PADI1: variants seen among roughly 807,000 people sequenced by gnomAD.
PADI1 encodes peptidyl arginine deiminase 1, also known as protein-arginine deiminase type-1.
A neutral mutation model predicts 74.8 loss-of-function variants in PADI1; 65 were observed. The observed-to-expected ratio is 0.87, with a 90% confidence interval of 0.71 to 1.07. PADI1 has a LOEUF of 1.07. Among genes scored for constraint, PADI1 ranks in the 50% least tolerant of loss-of-function variants. The probability of loss-of-function intolerance (pLI) is 0.00; values close to 1 mark genes in which losing one functional copy is unlikely to be tolerated. For missense variants in PADI1, 943 were observed against 854.0 expected (o/e 1.10, Z -1.30); for synonymous variants, 371 against 336.2 (o/e 1.10, Z -1.13).
At chr1:17,232,744 A>G (rs2072522940) in intron 10 of PADI1, 75 bp from the exon 11 acceptor site, 1 of 1,376,002 alleles carries the variant, frequency 7.3e-7, no homozygotes, top group Non-Finnish European at 9.8e-7. Flanking sequence ...ACTCCCCTCT[A>G]CTCCAAGAAC....
At chr1:17,212,561 A>C (rs566148495) in intron 1 of PADI1, among the ~76,000 whole-genome samples, 5 of 152,128 alleles carry the variant, frequency 3.3e-5, no homozygotes, top group Non-Finnish European at 5.9e-5. Flanking sequence ...CAGGTGGTAC[A>C]TTTCTGAGCT....
rs755568492 is a variant in PADI1 at position 17,240,779 on chromosome 1, G to T, written c.1758+19G>T. On this transcript the variant is annotated intron_variant, in intron 15 of 15. Coordinates refer to ENST00000375471, the MANE Select transcript of PADI1 (RefSeq NM_013358.3). ...AGACATGGTGAGAGCCCTTGTGCAG[G>T]GTCCTGCTGGGGGGTCTGCGGGGCT... 3 of 1,611,556 alleles carry T rather than the reference G, an allele frequency of 1.9e-6. No homozygotes were observed. Among genetic ancestry groups the T allele is most frequent in the Non-Finnish European group, 2.5e-6 (3 of 1,178,378 alleles).
chr1:17,223,504 G>A lies in PADI1; in HGVS notation c.274-117G>A, dbSNP rs2100452073. The A allele has an allele frequency of 5.1e-6, 4 of 776,844 alleles. No individual in the cohort carries two copies. The South Asian group carries it at 6.1e-5, about 12-fold the overall frequency. The allele number at this position is 776,844 out of a possible 1,614,324, so 48.1% of individuals were successfully genotyped here. ...GAGTCTTGGGACTTCAGAGACTGGG[G>A]GGGTCTCCAGGCCTCCTGTGCCTCT... On this transcript the variant is annotated intron_variant, in intron 2 of 15. Transcript: ENST00000375471.
chr1:17,236,830 G>GGAAA (rs2072654335), intron 11 of PADI1, among the ~76,000 whole-genome samples: 2 of 152,022 alleles, frequency 1.3e-5, no homozygotes, highest in Admixed American at 6.6e-5. Context: ...GAGAAAAGAA[G>GGAAA]GAAAGAAAGA....
chr1:17,234,177 G>A (rs2100503177), intron 11 of PADI1, among the ~76,000 whole-genome samples: 1 of 152,340 alleles, frequency 6.6e-6, no homozygotes, highest in Admixed American at 6.5e-5. Flanking sequence ...ATACCACAGT[G>A]CCTGGCACAC....
chr1:17,209,195 CAG>C (rs2071767818), intron 1 of PADI1, among the ~76,000 whole-genome samples: 2 of 152,212 alleles, frequency 1.3e-5, no homozygotes, highest in African/African-American at 4.8e-5. Context: ...TTGTGCTCCT[CAG>C]GGGAAAATTA....
At chr1:17,219,838 A>G (rs2072086470) in intron 1 of PADI1, among the ~76,000 whole-genome samples, 2 of 152,080 alleles carry the variant, frequency 1.3e-5, no homozygotes, top group African/African-American at 4.8e-5. Context: ...GGAAGCAGTC[A>G]CCAGGGAGAT....
intron 15 of PADI1, among the ~76,000 whole-genome samples, chr1:17,242,168 GCCTC>G (rs2072791055): frequency 6.6e-6 from 1 of 152,140 alleles, no homozygotes; most frequent in Non-Finnish European, 1.5e-5. Context: ...ATGCTTAGCG[GCCTC>G]CCTGGTCTCT....
At chr1:17,238,740 G>C in intron 13 of PADI1, 31 bp downstream of exon 13, 2 of 1,216,256 alleles carry the variant, frequency 1.6e-6, no homozygotes, top group Non-Finnish European at 2.2e-6. Context: ...CACCCCTGGG[G>C]GACCCTGCCC....
chr1:17,233,784 G>A (rs1264093925), intron 11 of PADI1, among the ~76,000 whole-genome samples: 1 of 152,262 alleles, frequency 6.6e-6, no homozygotes, highest in Non-Finnish European at 1.5e-5. Context: ...GCCCAGAGGA[G>A]TCAGGCAGTG....
intron 15 of PADI1, among the ~76,000 whole-genome samples, chr1:17,243,154 AC>A (rs1223368429): frequency 1.3e-5 from 2 of 152,108 alleles, no homozygotes; most frequent in East Asian, 3.9e-4. Context: ...ACCAAGGGTC[AC>A]CCCTTATGAC....
chr1:17,228,690 C>T lies in PADI1; in HGVS notation c.718C>T (p.Arg240Ter), dbSNP rs199756034. The change falls in exon 7 of 16, where the codon CGA (arginine) becomes TGA (stop). Residue 240 changes from arginine to a stop codon, truncating the protein, a stop_gained. Transcript: ENST00000375471. LOFTEE classifies it high-confidence loss of function. The stretch of plus-strand genomic sequence containing the variant: ...CCAGTGTCTGTCCTATGAAGTTGAG[C>T]GACAGCCAGGGGAGCAGGAGATCAA... ...GPQCLSYEVE[R>*]QPGEQEIKFY... 158 of 1,614,018 alleles carry T rather than the reference C, an allele frequency of 9.8e-5. No homozygotes were observed. Among genetic ancestry groups the T allele is most frequent in the African/African-American group, 2.0e-4 (15 of 74,928 alleles).
In PADI1 at chr1:17,239,694, C is replaced by T. The variant is rs759633033; in HGVS notation, c.1553-10C>T. 3 of 1,610,734 alleles carry T rather than the reference C, an allele frequency of 1.9e-6. No homozygotes were observed. Among genetic ancestry groups the T allele is most frequent in the Non-Finnish European group, 2.5e-6 (3 of 1,176,896 alleles). ...TCCCTGAGCTATGTACTGTCTTTCT[C>T]TTCTTGCAGGGTTAAAACACCAGGC... On this transcript the variant is annotated splice_polypyrimidine_tract_variant and intron_variant, in intron 13 of 15. Transcript: ENST00000375471.
chr1:17,240,415 C>T lies in PADI1; in HGVS notation c.1633-220C>T, dbSNP rs184247436. ...TTTGCATCCAGAAACTGCCTGGGTTCGAACCCCAGCTTTGGCACATCCTAG... is the reference window on the plus strand; with the variant it reads ...TTTGCATCCAGAAACTGCCTGGGTTTGAACCCCAGCTTTGGCACATCCTAG... On this transcript the variant is annotated intron_variant, in intron 14 of 15. Coordinates refer to ENST00000375471, the MANE Select transcript of PADI1 (RefSeq NM_013358.3). The T allele has an allele frequency of 1.8e-4, 82 of 459,492 alleles. 2 individuals are homozygous for T. The South Asian group carries it at 2.5e-3, about 14-fold the overall frequency. 28.5% of individuals were successfully genotyped at this position (459,492 alleles called of 1,614,324 possible). A position where few individuals can be genotyped will look rare whatever the true frequency, so the allele number is the denominator to read the frequency against.
intron 1 of PADI1, among the ~76,000 whole-genome samples, chr1:17,218,881 C>G (rs981354758): frequency 6.6e-6 from 1 of 151,900 alleles, no homozygotes; most frequent in East Asian, 1.9e-4. Flanking sequence ...CAGGCATGGT[C>G]GTGGACTCAA....
chr1:17,229,844 G>T (rs2072436324), intron 8 of PADI1, among the ~76,000 whole-genome samples: 1 of 152,202 alleles, frequency 6.6e-6, no homozygotes, highest in South Asian at 2.1e-4. Context: ...TCCCTGTGCT[G>T]GGTTAGGTGC....
chr1:17,241,364 C>G lies in PADI1; in HGVS notation c.1758+604C>G, dbSNP rs184450920. Reference sequence around the variant, plus strand: ...GGAAAGGATGTTGGGGTGTTGGCAGCTGGCAGGGATGGTCCCCCGGGATGG... The same window carrying G: ...GGAAAGGATGTTGGGGTGTTGGCAGGTGGCAGGGATGGTCCCCCGGGATGG... On this transcript the variant is annotated intron_variant, in intron 15 of 15. Coordinates refer to ENST00000375471, the MANE Select transcript of PADI1 (RefSeq NM_013358.3). Among the ~76,000 whole-genome samples the G allele has an allele frequency of 2.3e-4, 35 of 152,396 alleles. No homozygotes were observed. The East Asian group carries it at 6.4e-3, about 28-fold the overall frequency.
At chr1:17,219,697 G>A (rs1170500586) in intron 1 of PADI1, among the ~76,000 whole-genome samples, 1 of 152,074 alleles carries the variant, frequency 6.6e-6, no homozygotes, top group Non-Finnish European at 1.5e-5. Flanking sequence ...TAGATGGGTG[G>A]TGTAGTCTGG....
At chr1:17,230,337 CT>C in intron 9 of PADI1, 129 bp downstream of exon 9, 4 of 1,138,830 alleles carry the variant, frequency 3.5e-6, no homozygotes, top group Non-Finnish European at 4.9e-6. Flanking sequence ...GGGGCGAGGG[CT>C]TTTCCGCTGC....
Sources: allele counts gnomAD v4.1 joint callset (sites outside exome capture counted in the v4.1 genomes callset), GRCh38; gene constraint gnomAD v4.1.1; transcripts MANE v1.5; gene names NCBI Gene and HGNC (gene_info 2026-07-23, HGNC 2026-07-21).